The following GCNT2 variants were observed in gnomAD, a reference collection of about 807,000 sequenced individuals.
GCNT2 encodes N-acetyllactosaminide beta-1,6-N-acetylglucosaminyl-transferase.
Under a neutral mutation model 34.2 loss-of-function variants are expected in GCNT2, and 34 were observed. The observed-to-expected ratio is 1.00, with a 90% confidence interval of 0.76 to 1.32. The LOEUF (loss-of-function observed/expected upper bound fraction) is 1.32. Among genes scored for constraint, GCNT2 ranks in the 40% most tolerant of loss-of-function variants. The probability of loss-of-function intolerance (pLI) is 0.00; values close to 1 mark genes in which losing one functional copy is unlikely to be tolerated. For missense variants in GCNT2, 584 were observed against 489.4 expected, an observed-to-expected ratio of 1.19 and a Z score of -1.82; for synonymous variants, 212 against 188.0, an observed-to-expected ratio of 1.13 and a Z score of -1.04.
intron 3 of GCNT2, chr6:10,585,662 T>C (rs1002745057): frequency 1.6e-6 from 1 of 610,408 alleles, no homozygotes. Flanking sequence ...AGAACGTAAT[T>C]TGCATTTCAT....
intron 3 of GCNT2, among the ~76,000 whole-genome samples, chr6:10,530,683 C>G (rs1449395967): frequency 6.6e-6 from 1 of 151,808 alleles, no homozygotes; most frequent in Non-Finnish European, 1.5e-5. Flanking sequence ...CCAGCCTGGG[C>G]AACATAGTGA....
At chr6:10,549,549 C>G (rs541690015) in intron 3 of GCNT2, among the ~76,000 whole-genome samples, 10 of 147,214 alleles carry the variant, frequency 6.8e-5, no homozygotes, top group African/African-American at 1.8e-4. Context: ...TCCTTTCTCT[C>G]TCAATCTCTC....
At position 10,532,764 on chromosome 6, in the gene GCNT2, C is replaced by G. The variant is rs1298069075; in HGVS notation, c.925+2928C>G. 2.6e-5 allele frequency among the ~76,000 whole-genome samples: 4 copies of G among 152,166 alleles called. No homozygotes were observed. The East Asian group carries it at 7.7e-4, about 29-fold the overall frequency. On this transcript the variant is annotated intron_variant, in intron 3 of 4. Transcript: ENST00000495262. ...ATCGGGCAAGCCCTGCCAACTCTTT[C>G]CTGACCTGAGGCAGGGCTGAATGTA...
intron 3 of GCNT2, 167 bp downstream of exon 3, chr6:10,530,003 A>C: frequency 1.6e-6 from 1 of 630,882 alleles, no homozygotes; most frequent in East Asian, 2.8e-5. Context: ...GAGATGTGTT[A>C]TATCACCCAC....
chr6:10,578,480 G>A (rs760570761), intron 3 of GCNT2, among the ~76,000 whole-genome samples: 10 of 122,862 alleles, frequency 8.1e-5, no homozygotes, highest in East Asian at 2.3e-4. Context: ...ACGGAGTCTC[G>A]CTGTCGCCCA....
intron 3 of GCNT2, among the ~76,000 whole-genome samples, chr6:10,546,649 AC>A (rs1359299850): frequency 6.6e-6 from 1 of 151,946 alleles, no homozygotes; most frequent in Non-Finnish European, 1.5e-5. Context: ...ACAGGGTGAG[AC>A]TCCGTTTAAA....
chr6:10,605,523 T>A (rs983436834), intron 3 of GCNT2, among the ~76,000 whole-genome samples: 1 of 151,880 alleles, frequency 6.6e-6, no homozygotes, highest in Non-Finnish European at 1.5e-5. Flanking sequence ...TAGGATATTT[T>A]AAAAAAATAC....
chr6:10,626,561 C>CTGAGG lies in GCNT2; in HGVS notation c.1163_1164insTGAGG (p.Leu389GlufsTer24), dbSNP rs1766266172. Reference sequence around the variant, plus strand: ...CTAGAACTGAGGCATCGCGAAAGAACCCTCAATCAGAGTGAAACTGCGATA... The same window carrying CTGAGG: ...CTAGAACTGAGGCATCGCGAAAGAACTGAGGCCTCAATCAGAGTGAAACTGCGATA... On this transcript the variant is annotated frameshift_variant, in exon 5 of 5. Transcript: ENST00000495262. LOFTEE classifies it high-confidence loss of function. The CTGAGG allele has an allele frequency of 6.2e-7, 1 of 1,613,824 alleles. No individual in the cohort carries two copies. Among genetic ancestry groups the CTGAGG allele is most frequent in the Non-Finnish European group, 8.5e-7 (1 of 1,179,816 alleles).
chr6:10,614,050 C>T, intron 3 of GCNT2, among the ~76,000 whole-genome samples: 1 of 152,170 alleles, frequency 6.6e-6, no homozygotes, highest in Non-Finnish European at 1.5e-5. Context: ...GCTTTGGGAT[C>T]TCCATGTATC....
chr6:10,613,910 G>C (rs1370715245), intron 3 of GCNT2, among the ~76,000 whole-genome samples: 1 of 152,180 alleles, frequency 6.6e-6, no homozygotes, highest in Non-Finnish European at 1.5e-5. Context: ...CCCTAGGCCA[G>C]TGTCTACTCC....
At chr6:10,547,020 C>CA (rs1288809304) in intron 3 of GCNT2, among the ~76,000 whole-genome samples, 1 of 152,082 alleles carries the variant, frequency 6.6e-6, no homozygotes, top group African/African-American at 2.4e-5. Flanking sequence ...CCTGAGATCA[C>CA]AAAGATTTCC....
chr6:10,589,267 G>T (rs1187848532), intron 3 of GCNT2, among the ~76,000 whole-genome samples: 2 of 146,990 alleles, frequency 1.4e-5, no homozygotes, highest in African/African-American at 5.0e-5. Context: ...TACATGTGTG[G>T]GGTGTGTGTG....
At chr6:10,611,388 T>A (rs1765548341) in intron 3 of GCNT2, among the ~76,000 whole-genome samples, 1 of 150,986 alleles carries the variant, frequency 6.6e-6, no homozygotes, top group Non-Finnish European at 1.5e-5. Flanking sequence ...TGGAGTGCAG[T>A]GACGCGATCT....
intron 3 of GCNT2, among the ~76,000 whole-genome samples, chr6:10,589,032 CGTGGTATGTGTAT>C (rs1764497355): frequency 2.3e-5 from 2 of 87,302 alleles, no homozygotes. Context: ...GGTGTATGTG[CGTGGTATGTGTAT>C]GGTGTGTGTG....
chr6:10,617,400 T>C (rs1765826619), intron 3 of GCNT2, among the ~76,000 whole-genome samples: 1 of 152,078 alleles, frequency 6.6e-6, no homozygotes, highest in South Asian at 2.1e-4. Flanking sequence ...CGCCTCTCTC[T>C]CCACACCTCC....
chr6:10,559,886 T>TC (rs1322661729), intron 3 of GCNT2, among the ~76,000 whole-genome samples: 1 of 152,214 alleles, frequency 6.6e-6, no homozygotes, highest in Non-Finnish European at 1.5e-5. Context: ...AGGTAGGCCT[T>TC]CACAAATTAC....
At chr6:10,556,460 G>A (rs765131802) in intron 3 of GCNT2, 21 of 1,613,888 alleles carry the variant, frequency 1.3e-5, no homozygotes, top group Non-Finnish European at 4.2e-6. Context: ...CATAATTTCT[G>A]TCTCTAGTGT....
chr6:10,578,408 G>A (rs1253267866), intron 3 of GCNT2, among the ~76,000 whole-genome samples: 4 of 138,260 alleles, frequency 2.9e-5, no homozygotes, highest in African/African-American at 8.1e-5. Context: ...AAAAAAAAAA[G>A]AGTTGATGAA....
In GCNT2 at chr6:10,628,516, C is replaced by T. The variant is rs890763206; in HGVS notation, c.*1909C>T. 6.6e-6 allele frequency: 1 copy of T among 152,220 alleles called. No homozygotes were observed. Among genetic ancestry groups the T allele is most frequent in the Non-Finnish European group, 1.5e-5 (1 of 68,042 alleles). The allele number at this position is 152,220 out of a possible 1,614,324, so 9.4% of individuals were successfully genotyped here. On this transcript the variant is annotated 3_prime_UTR_variant, in exon 5 of 5. Coordinates refer to ENST00000495262, the MANE Select transcript of GCNT2 (RefSeq NM_145649.5). ...GAAGGCCACATGTGAAAACCTGTCA[C>T]TTGCACAGAGGCCAGTCCCACTAAG... is the stretch of plus-strand genomic sequence containing the variant.
Sources: gnomAD v4.1 joint callset for allele counts (sites outside exome capture counted in the v4.1 genomes callset) on GRCh38, gnomAD v4.1.1 for gene constraint, MANE v1.5 for transcripts, NCBI Gene and HGNC (gene_info 2026-07-23, HGNC 2026-07-21) for gene names.